PLXDC2: variants seen among roughly 807,000 people sequenced by gnomAD.
PLXDC2 encodes plexin domain-containing protein 2.
Under a neutral mutation model 68.9 loss-of-function variants are expected in PLXDC2, and 40 were observed. The ratio of observed to expected loss-of-function variants is 0.58; its 90% CI spans 0.45 to 0.76. PLXDC2 has a LOEUF of 0.76. PLXDC2 is among the 30% of genes least tolerant of loss of function. PLXDC2 has a pLI of 0.00. For missense variants in PLXDC2, 644 were observed against 661.9 expected (o/e 0.97, Z 0.30); for synonymous variants, 243 against 234.2 (o/e 1.04, Z -0.34).
At chr10:19,902,120 G>T (rs1838171037) in intron 1 of PLXDC2, among the ~76,000 whole-genome samples, 1 of 151,980 alleles carries the variant, frequency 6.6e-6, no homozygotes, top group Non-Finnish European at 1.5e-5. Flanking sequence ...CTCCAGATTT[G>T]TTCTTTTTGC....
intron 4 of PLXDC2, among the ~76,000 whole-genome samples, chr10:20,089,166 A>G (rs568284777): frequency 4.5e-4 from 62 of 139,314 alleles, no homozygotes; most frequent in African/African-American, 1.5e-3. Flanking sequence ...AAACCTGTAT[A>G]TACGTGTGTG....
chr10:19,976,553 CTCTT>C (rs1319563256), intron 1 of PLXDC2, among the ~76,000 whole-genome samples: 2 of 152,248 alleles, frequency 1.3e-5, no homozygotes, highest in African/African-American at 4.8e-5. Flanking sequence ...TCTTCTTTCT[CTCTT>C]TCTCAGTCTC....
At chr10:20,006,764 A>C (rs182876336) in intron 2 of PLXDC2, among the ~76,000 whole-genome samples, 1 of 152,336 alleles carries the variant, frequency 6.6e-6, no homozygotes, top group East Asian at 1.9e-4. Flanking sequence ...CTTCCAGTTA[A>C]GGTTTTGTTG....
chr10:20,007,681 G>C (rs944001718), intron 2 of PLXDC2, among the ~76,000 whole-genome samples: 21 of 152,340 alleles, frequency 1.4e-4, no homozygotes, highest in African/African-American at 5.1e-4. Flanking sequence ...TGGGAATCTG[G>C]TTAAAATGCA....
intron 1 of PLXDC2, among the ~76,000 whole-genome samples, chr10:19,889,783 T>C (rs1315905143): frequency 1.3e-5 from 2 of 152,208 alleles, no homozygotes; most frequent in African/African-American, 4.8e-5. Context: ...TACTCTGAGA[T>C]GAACTCCAAA....
chr10:20,000,961 C>A (rs568137815), intron 1 of PLXDC2, among the ~76,000 whole-genome samples: 111 of 152,278 alleles, frequency 7.3e-4, no homozygotes, highest in African/African-American at 2.6e-3. Flanking sequence ...AAATGAGAGA[C>A]GAGGAGCAAT....
chr10:20,277,475 C>T (rs900934937), intron 13 of PLXDC2, among the ~76,000 whole-genome samples: 1 of 152,194 alleles, frequency 6.6e-6, no homozygotes, highest in African/African-American at 2.4e-5. Flanking sequence ...ATATAAAGAT[C>T]CTAGGGTTTT....
chr10:20,212,909 C>T (rs922854292), intron 10 of PLXDC2, among the ~76,000 whole-genome samples: 3 of 151,942 alleles, frequency 2.0e-5, no homozygotes, highest in Non-Finnish European at 4.4e-5. Flanking sequence ...AATCAGTTAC[C>T]TCAATATAAA....
chr10:20,235,193 T>C (rs1407677074), intron 12 of PLXDC2, among the ~76,000 whole-genome samples: 1 of 152,168 alleles, frequency 6.6e-6, no homozygotes, highest in Non-Finnish European at 1.5e-5. Flanking sequence ...TGAAAAACTA[T>C]TCACTGAAAT....
chr10:20,221,335 C>G (rs11011883), intron 12 of PLXDC2, among the ~76,000 whole-genome samples: 3,283 of 152,236 alleles, frequency 0.022, 103 homozygotes, highest in African/African-American at 0.074. Flanking sequence ...TTAAGTAAAT[C>G]CTACGATTTA....
At chr10:19,834,662 C>T (rs962497739) in intron 1 of PLXDC2, among the ~76,000 whole-genome samples, 5 of 152,182 alleles carry the variant, frequency 3.3e-5, no homozygotes, top group African/African-American at 1.2e-4. Flanking sequence ...TTCGAAAGGA[C>T]TGAGATGACT....
At chr10:20,246,512 G>A (rs890622520) in intron 13 of PLXDC2, among the ~76,000 whole-genome samples, 37 of 152,140 alleles carry the variant, frequency 2.4e-4, no homozygotes, top group African/African-American at 7.5e-4. Flanking sequence ...ACCACACCCA[G>A]CTAATTTTTG....
At position 20,093,536 on chromosome 10, in the gene PLXDC2, C is replaced by A. The variant is rs556867369; in HGVS notation, c.541+25297C>A. On this transcript the variant is annotated intron_variant, in intron 4 of 13. Transcript: ENST00000377252. Reference sequence around the variant, plus strand: ...TTGGTGGCCACTCACTTATGCTCTACCAAGTTCAGGAGAGTTTATTGTTCA... The same window carrying A: ...TTGGTGGCCACTCACTTATGCTCTAACAAGTTCAGGAGAGTTTATTGTTCA... Among the ~76,000 whole-genome samples the A allele has an allele frequency of 9.9e-4, 151 of 152,130 alleles. 2 individuals are homozygous for A. The highest frequency in any genetic ancestry group is 3.4e-3 in the Middle Eastern group (1 of 292).
At chr10:19,862,200 G>A (rs1837331614) in intron 1 of PLXDC2, among the ~76,000 whole-genome samples, 1 of 152,150 alleles carries the variant, frequency 6.6e-6, no homozygotes, top group South Asian at 2.1e-4. Context: ...TTAAACTAAA[G>A]TGTTGCAATC....
At chr10:19,822,160 T>C (rs983966999) in intron 1 of PLXDC2, among the ~76,000 whole-genome samples, 2 of 150,092 alleles carry the variant, frequency 1.3e-5, no homozygotes, top group African/African-American at 4.9e-5. Flanking sequence ...ATGCAATATA[T>C]AATGTATATA....
At chr10:20,120,388 C>G (rs1589638519) in intron 4 of PLXDC2, among the ~76,000 whole-genome samples, 1 of 152,120 alleles carries the variant, frequency 6.6e-6, no homozygotes, top group Non-Finnish European at 1.5e-5. Flanking sequence ...GACCTTTAGT[C>G]CATTCTACTT....
At chr10:20,171,133 T>G (rs2131820948) in intron 7 of PLXDC2, among the ~76,000 whole-genome samples, 1 of 152,222 alleles carries the variant, frequency 6.6e-6, no homozygotes, top group South Asian at 2.1e-4. Context: ...TGGTCAAAAC[T>G]TACGAAAAAT....
intron 5 of PLXDC2, among the ~76,000 whole-genome samples, chr10:20,145,695 GC>G (rs1301487686): frequency 2.6e-5 from 4 of 151,830 alleles, no homozygotes; most frequent in Non-Finnish European, 4.4e-5. Flanking sequence ...GACTACAGGC[GC>G]CCACCACCAC....
intron 2 of PLXDC2, among the ~76,000 whole-genome samples, chr10:20,042,396 C>T (rs1044969820): frequency 2.6e-5 from 4 of 152,036 alleles, no homozygotes; most frequent in African/African-American, 9.7e-5. Flanking sequence ...TATAAGGATG[C>T]AATATATTTG....
Sources: allele counts gnomAD v4.1 joint callset (sites outside exome capture counted in the v4.1 genomes callset), GRCh38; gene constraint gnomAD v4.1.1; transcripts MANE v1.5; gene names NCBI Gene and HGNC (gene_info 2026-07-23, HGNC 2026-07-21).